The following NFE2L3 variants were observed in gnomAD, a reference collection of about 807,000 sequenced individuals.
NFE2L3 encodes NFE2 like bZIP transcription factor 3.
A neutral mutation model predicts 23.5 loss-of-function variants in NFE2L3; 18 were observed. The observed-to-expected ratio is 0.77, with a 90% CI of 0.53 to 1.13. The LOEUF (loss-of-function observed/expected upper bound fraction) is 1.13. Ranked by LOEUF, NFE2L3 falls within the 50% of genes most tolerant of loss-of-function variation. NFE2L3 has a pLI of 0.00. For synonymous variants in NFE2L3, 424 were observed against 354.5 expected, an observed-to-expected ratio of 1.20 and a Z score of -2.20; for missense variants, 1,152 against 877.2, an observed-to-expected ratio of 1.31 and a Z score of -3.96.
rs1782490955 is a variant in NFE2L3 at position 26,186,484 on chromosome 7, T to TAACA, written c.*702_*705dup. 6.6e-6 allele frequency: 1 copy of TAACA among 152,170 alleles called. No individual in the cohort carries two copies. The highest frequency in any genetic ancestry group is 2.4e-5 in the African/African-American group (1 of 41,406). 9.4% of individuals were successfully genotyped at this position (152,170 alleles called of 1,614,324 possible). On this transcript the variant is annotated 3_prime_UTR_variant, in exon 4 of 4. Transcript: ENST00000056233. ...AAATCCACCCCCCTACCCCAATACT[T>TAACA]AACACACAGAATACTATGTGATATA...
Position 26,184,914 on chromosome 7 carries a change from A to G in NFE2L3, c.1216A>G (p.Ile406Val), listed in dbSNP as rs749820925. 1.4e-5 allele frequency: 22 copies of G among 1,613,822 alleles called. No homozygotes were observed. The Admixed American group carries it at 1.8e-4, about 13-fold the overall frequency. ...GGCCACAGAAGACAACTTTGATCCA[A>G]TCGATGTTTCTCAGCTTTTTGATGA... Reference protein sequence around the residue: ...SLATEDNFDPIDVSQLFDEPD... With the variant: ...SLATEDNFDPVDVSQLFDEPD... The change falls in exon 4 of 4, where the codon ATC (isoleucine) becomes GTC (valine). Residue 406 changes from isoleucine (I) to valine (V), a missense_variant. Physicochemically the swap from Ile to Val is conservative, Grantham distance 29. Transcript: ENST00000056233.
At chr7:26,160,680 C>A (rs1379993140) in intron 1 of NFE2L3, among the ~76,000 whole-genome samples, 8 of 152,198 alleles carry the variant, frequency 5.3e-5, no homozygotes, top group Non-Finnish European at 8.8e-5. Context: ...GGATGAGACC[C>A]ACCCAGATTA....
At chr7:26,172,678 A>G (rs1784343374) in intron 1 of NFE2L3, among the ~76,000 whole-genome samples, 1 of 152,226 alleles carries the variant, frequency 6.6e-6, no homozygotes, top group Non-Finnish European at 1.5e-5. Context: ...ATGTTGATTT[A>G]TCTGATGTTT....
rs561909226 is a variant in NFE2L3 at position 26,164,602 on chromosome 7, T to C, written c.570+11534T>C. Among the ~76,000 whole-genome samples the C allele has an allele frequency of 3.9e-3, 590 of 152,352 alleles. 4 individuals carry two copies. Among genetic ancestry groups the C allele is most frequent in the Non-Finnish European group, 6.6e-3 (452 of 68,034 alleles). On this transcript the variant is annotated intron_variant, in intron 1 of 3. Coordinates refer to ENST00000056233, the MANE Select transcript of NFE2L3 (RefSeq NM_004289.7). ...ATTGCAAAAATTTTCCCCCATTCTG[T>C]AGGTTGCCTGTTCACTCTGATGGTA...
chr7:26,179,431 TCGAGGCTGCAGTGAGCTGTGATCACAC>T (rs1368105955), intron 2 of NFE2L3, among the ~76,000 whole-genome samples: 1 of 150,828 alleles, frequency 6.6e-6, no homozygotes, highest in Non-Finnish European at 1.5e-5. Flanking sequence ...GCCTGGGAGG[TCGAGGCTGCAGTGAGCTGTGATCACAC>T]CAGTGCACTC....
intron 1 of NFE2L3, among the ~76,000 whole-genome samples, chr7:26,158,118 G>A (rs1183559295): frequency 1.3e-5 from 2 of 151,852 alleles, no homozygotes; most frequent in Admixed American, 6.6e-5. Flanking sequence ...GCGCAATCTC[G>A]GCTCACTGCA....
In NFE2L3 at chr7:26,185,213, T is replaced by C. The variant is rs774915678; in HGVS notation, c.1515T>C (p.Thr505=). 31 of 1,613,828 alleles carry C rather than the reference T, an allele frequency of 1.9e-5. No individual in the cohort carries two copies. Among genetic ancestry groups the C allele is most frequent in the Middle Eastern group, 1.6e-4 (1 of 6,080 alleles). ...FHNHTYHLQP[T]APESTSEPFP... ...ACCACACTTACCACTTACAGCCAAC[T>C]GCACCAGAATCTACTTCTGAACCTT... Residue 505 remains threonine (T), a synonymous_variant, in exon 4 of 4, where the codon ACT becomes ACC. Transcript: ENST00000056233.
At position 26,185,458 on chromosome 7, in the gene NFE2L3, AAAAT is replaced by A. The variant is rs761740886; in HGVS notation, c.1764_1767del (p.Asn588LysfsTer14). 1.9e-6 allele frequency: 3 copies of A among 1,613,988 alleles called. No homozygotes were observed. Among genetic ancestry groups the A allele is most frequent in the African/African-American group, 1.3e-5 (1 of 74,940 alleles). On this transcript the variant is annotated frameshift_variant, in exon 4 of 4. Transcript: ENST00000056233. LOFTEE classifies it low-confidence loss of function (END_TRUNC). ...ATCCGTGACATCAGACGAAGAGGGA[AAAAT>A]AAAGTTGCTGCGCAGAACTGTCGTA...
At chr7:26,184,456 A>T in intron 3 of NFE2L3, 77 bp from the exon 4 acceptor site, 3 of 1,350,984 alleles carry the variant, frequency 2.2e-6, no homozygotes, top group Non-Finnish European at 3.1e-6. Flanking sequence ...AAAGAGGGGA[A>T]AGAAAGTTGT....
At chr7:26,170,397 C>G (rs576380804) in intron 1 of NFE2L3, among the ~76,000 whole-genome samples, 1 of 152,282 alleles carries the variant, frequency 6.6e-6, no homozygotes, top group East Asian at 1.9e-4. Context: ...TATTCACCCC[C>G]TCGTTTCCTA....
intron 1 of NFE2L3, among the ~76,000 whole-genome samples, chr7:26,175,500 G>T (rs756644516): frequency 1.3e-5 from 2 of 152,054 alleles, no homozygotes; most frequent in African/African-American, 2.4e-5. Flanking sequence ...AGTTTCCGCC[G>T]GGTGCGGTGG....
At chr7:26,168,208 C>T (rs1005787053) in intron 1 of NFE2L3, among the ~76,000 whole-genome samples, 2 of 149,288 alleles carry the variant, frequency 1.3e-5, no homozygotes, top group Admixed American at 1.3e-4. Context: ...GTGATCTCGG[C>T]TCACTGCAAC....
intron 1 of NFE2L3, among the ~76,000 whole-genome samples, chr7:26,167,732 A>C (rs1784271767): frequency 6.6e-6 from 1 of 152,176 alleles, no homozygotes; most frequent in Non-Finnish European, 1.5e-5. Flanking sequence ...ACAGAAAAAG[A>C]AAGCAGAGAT....
At chr7:26,181,142 A>G (rs536590011) in intron 2 of NFE2L3, among the ~76,000 whole-genome samples, 1 of 151,904 alleles carries the variant, frequency 6.6e-6, no homozygotes, top group Non-Finnish European at 1.5e-5. Context: ...TGCCCAGCTA[A>G]TTTTTTGTAT....
intron 1 of NFE2L3, among the ~76,000 whole-genome samples, chr7:26,172,845 G>A (rs1330168681): frequency 4.6e-5 from 7 of 152,128 alleles, no homozygotes; most frequent in Non-Finnish European, 1.0e-4. Flanking sequence ...GATTTCTCCT[G>A]TAGTGTTATT....
chr7:26,155,596 C>T (rs1453750035), intron 1 of NFE2L3, among the ~76,000 whole-genome samples: 1 of 152,200 alleles, frequency 6.6e-6, no homozygotes, highest in Non-Finnish European at 1.5e-5. Context: ...TACTCAAGCT[C>T]TTGGGACATC....
chr7:26,177,822 CTGAAATAT>C, intron 1 of NFE2L3, 113 bp from the exon 2 acceptor site: 1 of 827,098 alleles, frequency 1.2e-6, no homozygotes, highest in Non-Finnish European at 1.9e-6. Flanking sequence ...TTCTTTGATA[CTGAAATAT>C]TGAAATGCCG....
intron 1 of NFE2L3, 117 bp from the exon 2 acceptor site, chr7:26,177,826 A>T: frequency 1.2e-6 from 1 of 851,756 alleles, no homozygotes; most frequent in Non-Finnish European, 1.9e-6. Context: ...TTGATACTGA[A>T]ATATTGAAAT....
chr7:26,162,369 T>G (rs1011157077), intron 1 of NFE2L3, among the ~76,000 whole-genome samples: 12 of 152,106 alleles, frequency 7.9e-5, no homozygotes, highest in Non-Finnish European at 1.8e-4. Flanking sequence ...GTGAAGGTAT[T>G]GATGATAAGA....
Sources: allele counts gnomAD v4.1 joint callset (sites outside exome capture counted in the v4.1 genomes callset), GRCh38; gene constraint gnomAD v4.1.1; transcripts MANE v1.5; gene names NCBI Gene and HGNC (gene_info 2026-07-23, HGNC 2026-07-21).